ITSN2: variants seen among roughly 807,000 people sequenced by gnomAD.
ITSN2 encodes the protein intersectin-2.
Under a neutral mutation model 243.7 loss-of-function variants are expected in ITSN2, and 156 were observed. That is an observed-to-expected ratio of 0.64 (90% CI 0.56 to 0.73). The LOEUF (loss-of-function observed/expected upper bound fraction) is 0.73. ITSN2 is among the 30% of genes least tolerant of loss of function. The probability of loss-of-function intolerance (pLI) is 0.00; values close to 1 mark genes in which losing one functional copy is unlikely to be tolerated. For synonymous variants in ITSN2, 703 were observed against 699.9 expected (o/e 1.00, Z -0.07); for missense variants, 1,801 against 1,996.1 (o/e 0.90, Z 1.86).
At chr2:24,357,268 T>C (rs987881013) in intron 1 of ITSN2, among the ~76,000 whole-genome samples, 3 of 152,190 alleles carry the variant, frequency 2.0e-5, no homozygotes, top group African/African-American at 4.8e-5. Flanking sequence ...AAATGTGATA[T>C]ACATACACCA....
At chr2:24,288,682 A>G (rs948445934) in intron 15 of ITSN2, among the ~76,000 whole-genome samples, 2 of 152,156 alleles carry the variant, frequency 1.3e-5, no homozygotes, top group African/African-American at 2.4e-5. Flanking sequence ...GAAAACACTT[A>G]AAATCTATTC....
intron 1 of ITSN2, among the ~76,000 whole-genome samples, chr2:24,353,792 A>T (rs977151692): frequency 6.6e-6 from 1 of 152,256 alleles, no homozygotes; most frequent in Non-Finnish European, 1.5e-5. Flanking sequence ...TAAGGAAATA[A>T]CAGTAAATGT....
intron 17 of ITSN2, among the ~76,000 whole-genome samples, chr2:24,281,456 T>C (rs532622977): frequency 1.1e-4 from 17 of 152,342 alleles, no homozygotes; most frequent in Non-Finnish European, 1.9e-4. Context: ...ATCTTGATCA[T>C]AGTGCTTTTG....
chr2:24,310,639 G>A lies in ITSN2; in HGVS notation c.406C>T (p.Pro136Ser), dbSNP rs1252740262. 1 of 1,614,046 alleles carries A rather than the reference G, an allele frequency of 6.2e-7. No homozygotes were observed. Among genetic ancestry groups the A allele is most frequent in the Non-Finnish European group, 8.5e-7 (1 of 1,180,036 alleles). The stretch of plus-strand genomic sequence containing the variant: ...GTCGCAGAAGACAATGATGTTATAG[G>A]TGCAGCTGGAGGCAATGGCTGAGGA... ...SIPQPLPPAA[P>S]ITSLSSATSG... Residue 136 changes from proline (P) to serine (S), a missense_variant, in exon 6 of 40, where the codon CCT becomes TCT. By Grantham distance (74) the Pro-to-Ser change is moderately conservative. Transcript: ENST00000355123.
intron 1 of ITSN2, among the ~76,000 whole-genome samples, chr2:24,352,393 T>C (rs1688101557): frequency 6.6e-6 from 1 of 152,208 alleles, no homozygotes; most frequent in South Asian, 2.1e-4. Context: ...TTTGTTTTAC[T>C]GAAACAAATT....
At chr2:24,255,731 A>C (rs1674938092) in intron 23 of ITSN2, among the ~76,000 whole-genome samples, 1 of 152,198 alleles carries the variant, frequency 6.6e-6, no homozygotes, top group African/African-American at 2.4e-5. Context: ...GTTCGAGACC[A>C]GCCTGGCCAA....
chr2:24,286,106 T>C (rs1327476363), intron 16 of ITSN2, 106 bp downstream of exon 16: 2 of 648,202 alleles, frequency 3.1e-6, no homozygotes, highest in South Asian at 4.9e-5. Flanking sequence ...AAATAAATTA[T>C]GAAAATGTAA....
intron 22 of ITSN2, 24 bp downstream of exon 22, chr2:24,261,082 C>T (rs2151389059): frequency 6.3e-7 from 1 of 1,594,506 alleles, no homozygotes; most frequent in Admixed American, 1.8e-5. Context: ...AGAATAAAGC[C>T]CACAAAAATA....
intron 29 of ITSN2, among the ~76,000 whole-genome samples, chr2:24,235,322 G>C (rs759819733): frequency 6.6e-6 from 1 of 151,846 alleles, no homozygotes; most frequent in Non-Finnish European, 1.5e-5. Context: ...GTTGCCAGGG[G>C]ATGGGAGGGA....
intron 7 of ITSN2, among the ~76,000 whole-genome samples, chr2:24,309,550 C>T (rs1682991463): frequency 6.6e-6 from 1 of 152,160 alleles, no homozygotes; most frequent in Non-Finnish European, 1.5e-5. Context: ...AAGCAATTAT[C>T]ACTATTCTTA....
At chr2:24,217,111 T>G (rs1573886743) in intron 31 of ITSN2, among the ~76,000 whole-genome samples, 6 of 135,730 alleles carry the variant, frequency 4.4e-5, no homozygotes, top group South Asian at 2.4e-4. Flanking sequence ...TAGCCAGGTG[T>G]GGTGGTGGGT....
In ITSN2 at chr2:24,249,111, C is replaced by G. The variant is rs577358080; in HGVS notation, c.3121-229G>C. Among the ~76,000 whole-genome samples the G allele has an allele frequency of 6.6e-6, 1 of 152,256 alleles. No individual in the cohort carries two copies. Among genetic ancestry groups the G allele is most frequent in the African/African-American group, 2.4e-5 (1 of 41,552 alleles). On this transcript the variant is annotated intron_variant, in intron 25 of 39. Transcript: ENST00000355123. This position sits in a 1 kb window ranked among gnomAD's most constrained non-coding sequence, Gnocchi z 4.4. ...TACATTATATACGAGTGGCTGTCAT[C>G]GTCAACCATTGACTCAACAGGAAGA...
chr2:24,328,995 C>T (rs1685483237), intron 1 of ITSN2, among the ~76,000 whole-genome samples: 1 of 152,164 alleles, frequency 6.6e-6, no homozygotes, highest in Non-Finnish European at 1.5e-5. Context: ...GCTATTCTCC[C>T]AGCTGTGACC....
At chr2:24,347,394 T>A (rs1447128971) in intron 1 of ITSN2, among the ~76,000 whole-genome samples, 4 of 135,782 alleles carry the variant, frequency 2.9e-5, no homozygotes, top group African/African-American at 1.1e-4. Flanking sequence ...AAAAAAAAAA[T>A]ACAAATTGTA....
Position 24,203,768 on chromosome 2 carries a change from G to T in ITSN2, c.4952C>A (p.Thr1651Asn), listed in dbSNP as rs752947929. 2.5e-6 allele frequency: 4 copies of T among 1,613,770 alleles called. No individual in the cohort carries two copies. The highest frequency in any genetic ancestry group is 3.4e-6 in the Non-Finnish European group (4 of 1,179,840). ...TCGAATTTTTGCCACTGGAATTTCA[G>T]TACGACCCAGGAAATCTGGTGAATA... ...QFSPDDFLGR[T>N]EIPVAKIRTE... The change falls in exon 40 of 40, where the codon ACT becomes AAT. Residue 1651 changes from threonine (T) to asparagine (N), a missense_variant. Physicochemically the swap from Thr to Asn is moderately conservative, Grantham distance 65 (BLOSUM62 0). Around this residue, in one of 5 missense-constraint regions of ITSN2, gnomAD observed 928 missense variants for 1,065.4 expected, o/e 0.87. Coordinates refer to ENST00000355123, the MANE Select transcript of ITSN2 (RefSeq NM_006277.3).
intron 29 of ITSN2, chr2:24,239,762 CAA>C (rs1361316768): frequency 6.6e-6 from 1 of 152,052 alleles, no homozygotes; most frequent in Non-Finnish European, 1.5e-5. Context: ...TGAGGTATTG[CAA>C]AAGACAGCAT....
intron 20 of ITSN2, among the ~76,000 whole-genome samples, chr2:24,269,157 CCTCTT>C (rs1444307772): frequency 1.3e-5 from 2 of 151,790 alleles, no homozygotes; most frequent in Non-Finnish European, 2.9e-5. Context: ...CATCCTCAAT[CCTCTT>C]CTCTCTCACG....
At position 24,334,890 on chromosome 2, in the gene ITSN2, C is replaced by T. The variant is rs564098068; in HGVS notation, c.-33-6775G>A. Reference sequence around the variant, plus strand: ...CATCCTGGCTAACAAGGTGAAACCCCGTCTCTACTAAAAATACAAAAAATT... The same window carrying T: ...CATCCTGGCTAACAAGGTGAAACCCTGTCTCTACTAAAAATACAAAAAATT... On this transcript the variant is annotated intron_variant, in intron 1 of 39. Transcript: ENST00000355123. 275 of 459,188 alleles carry T rather than the reference C, an allele frequency of 6.0e-4. 1 individual carries two copies. Among genetic ancestry groups the T allele is most frequent in the African/African-American group, 5.1e-3 (250 of 49,062 alleles). The allele number at this position is 459,188 out of a possible 1,614,324, so 28.4% of individuals were successfully genotyped here.
At chr2:24,291,156 G>GTCTCAC (rs1166640460) in intron 15 of ITSN2, among the ~76,000 whole-genome samples, 3 of 151,986 alleles carry the variant, frequency 2.0e-5, no homozygotes, top group African/African-American at 4.8e-5. Flanking sequence ...TTGAGACAGA[G>GTCTCAC]TCTCACTCTA....
Sources: gnomAD v4.1 joint callset for allele counts (sites outside exome capture counted in the v4.1 genomes callset) on GRCh38, gnomAD v4.1.1 for gene constraint, gnomAD v4.1.1 regional missense constraint, Gnocchi (gnomAD v3.1) non-coding constraint, MANE v1.5 for transcripts, NCBI Gene and HGNC (gene_info 2026-07-23, HGNC 2026-07-21) for gene names.